EPB41L3: variants seen among roughly 807,000 people sequenced by gnomAD.
The protein encoded by EPB41L3 is band 4.1-like protein 3.
A neutral mutation model predicts 127.1 loss-of-function variants in EPB41L3; 57 were observed. The ratio of observed to expected loss-of-function variants is 0.45; its 90% CI spans 0.36 to 0.56. The LOEUF (loss-of-function observed/expected upper bound fraction) is 0.56. Among genes scored for constraint, EPB41L3 ranks in the 20% least tolerant of loss-of-function variants. The pLI is 0.00. For synonymous variants in EPB41L3, 572 were observed against 549.5 expected (o/e 1.04, Z -0.57); for missense variants, 1,273 against 1,372.2 (o/e 0.93, Z 1.14).
chr18:5,546,702 CT>C (rs1354756066), upstream of EPB41L3, among the ~76,000 whole-genome samples: 1 of 152,090 alleles, frequency 6.6e-6, no homozygotes, highest in African/African-American at 2.4e-5. Flanking sequence ...TTTTTTCCCC[CT>C]AGCACAGACA....
chr18:5,564,140 T>C (rs12955448), intron 3 of EPB41L3, among the ~76,000 whole-genome samples: 60 of 152,286 alleles, frequency 3.9e-4, no homozygotes, highest in South Asian at 1.2e-3. Context: ...GCGATTTCAG[T>C]TGAGTTTTGG....
intron 1 of EPB41L3, among the ~76,000 whole-genome samples, chr18:5,626,338 G>C (rs965016110): frequency 2.6e-5 from 4 of 152,148 alleles, no homozygotes; most frequent in African/African-American, 9.7e-5. Flanking sequence ...CATCTCTTCA[G>C]TGATCTGGTG....
At chr18:5,449,683 T>C (rs1418499549) in intron 3 of EPB41L3, among the ~76,000 whole-genome samples, 2 of 152,170 alleles carry the variant, frequency 1.3e-5, no homozygotes, top group African/African-American at 4.8e-5. Context: ...TGAAAGAACC[T>C]TAAATGCATA....
chr18:5,492,310 A>G (rs1483654461), intron 1 of EPB41L3, among the ~76,000 whole-genome samples: 1 of 121,228 alleles, frequency 8.2e-6, no homozygotes, highest in African/African-American at 4.9e-5. Context: ...ACACAGAGAG[A>G]CTCGGTCTCA....
intron 3 of EPB41L3, among the ~76,000 whole-genome samples, chr18:5,453,527 C>A (rs1398116821): frequency 6.6e-6 from 1 of 152,114 alleles, no homozygotes; most frequent in Non-Finnish European, 1.5e-5. Flanking sequence ...AGGCTCAAAC[C>A]CACTCATGTT....
chr18:5,424,240 A>G, intron 10 of EPB41L3, 22 bp downstream of exon 10: 3 of 1,520,238 alleles, frequency 2.0e-6, no homozygotes, highest in Non-Finnish European at 1.8e-6. Flanking sequence ...CTTAGGGAAA[A>G]AACAAAATAA....
intron 16 of EPB41L3, chr18:5,399,339 A>G (rs1435461757): frequency 5.0e-6 from 2 of 398,990 alleles, no homozygotes; most frequent in African/African-American, 2.1e-5. Context: ...ATCACCATCA[A>G]CTACCTCAGT....
chr18:5,589,551 G>C (rs1468747523), intron 3 of EPB41L3, among the ~76,000 whole-genome samples: 1 of 152,134 alleles, frequency 6.6e-6, no homozygotes, highest in Non-Finnish European at 1.5e-5. Context: ...CTTTATCTCA[G>C]TGTAGTCTTA....
intron 1 of EPB41L3, among the ~76,000 whole-genome samples, chr18:5,627,859 T>C (rs1198342754): frequency 6.6e-6 from 1 of 152,320 alleles, no homozygotes; most frequent in East Asian, 1.9e-4. Context: ...GAGAACGTTT[T>C]CCTAAGGTAC....
In EPB41L3 at chr18:5,568,533, G is replaced by C. The variant is rs546637229; in HGVS notation, c.-306+43807C>G. 2.5e-3 allele frequency among the ~76,000 whole-genome samples: 380 copies of C among 151,844 alleles called. 1 individual carries two copies. The highest frequency in any genetic ancestry group is 8.7e-3 in the African/African-American group (359 of 41,368). On this transcript the variant is annotated intron_variant, in intron 3 of 21. Transcript: ENST00000545076. ...GTGAAATAAGGATCTCCATTTCCCA[G>C]AGGTATAGCCACATTGCTAGGGGCC...
intron 3 of EPB41L3, among the ~76,000 whole-genome samples, chr18:5,448,911 T>C (rs562062262): frequency 6.6e-6 from 1 of 152,322 alleles, no homozygotes; most frequent in South Asian, 2.1e-4. Flanking sequence ...GTCCTAAAAA[T>C]GGCATATCTC....
intron 1 of EPB41L3, among the ~76,000 whole-genome samples, chr18:5,498,453 G>A (rs909111364): frequency 1.3e-5 from 2 of 152,026 alleles, no homozygotes; most frequent in African/African-American, 4.8e-5. Context: ...TATCACCTGG[G>A]TGTGGTCACG....
Position 5,596,011 on chromosome 18 carries a change from T to G in EPB41L3, c.-306+16329A>C, listed in dbSNP as rs574591131. 3.3e-5 allele frequency among the ~76,000 whole-genome samples: 5 copies of G among 152,336 alleles called. No homozygotes were observed. The South Asian group carries it at 1.0e-3, about 32-fold the overall frequency. ...ATCCAAAAAGCAATTTAAAATTCAC[T>G]GCTCTAAATTTATTTGTGTTTAAAC... On this transcript the variant is annotated intron_variant, in intron 3 of 21. Transcript: ENST00000545076.
At chr18:5,499,582 T>C (rs2091533225) in intron 1 of EPB41L3, among the ~76,000 whole-genome samples, 1 of 151,678 alleles carries the variant, frequency 6.6e-6, no homozygotes, top group Non-Finnish European at 1.5e-5. Context: ...GCTAACACAG[T>C]GAAACCGTAT....
At chr18:5,482,074 T>A (rs1397710975) in intron 2 of EPB41L3, among the ~76,000 whole-genome samples, 1 of 152,088 alleles carries the variant, frequency 6.6e-6, no homozygotes, top group Non-Finnish European at 1.5e-5. Flanking sequence ...GAGCTAAGAA[T>A]TCAAAATAAC....
chr18:5,395,581 T>C (rs752463033), intron 20 of EPB41L3, 28 bp downstream of exon 20: 6 of 1,601,216 alleles, frequency 3.7e-6, no homozygotes, highest in Non-Finnish European at 5.1e-6. Flanking sequence ...TCTCAAGGAA[T>C]CCTCTTCTCG....
intron 14 of EPB41L3, 75 bp downstream of exon 14, chr18:5,410,491 G>T: frequency 1.9e-6 from 2 of 1,051,748 alleles, no homozygotes; most frequent in Non-Finnish European, 1.5e-6. Context: ...CATATGTGGA[G>T]TTCTTAAACA....
intron 1 of EPB41L3, among the ~76,000 whole-genome samples, chr18:5,628,288 G>A (rs908205205): frequency 5.9e-5 from 9 of 152,252 alleles, no homozygotes; most frequent in Admixed American, 2.0e-4. Flanking sequence ...ATTTACCATC[G>A]TTTCTACTTT....
intron 16 of EPB41L3, 60 bp downstream of exon 16, chr18:5,406,717 C>G (rs748410322): frequency 1.4e-6 from 2 of 1,476,704 alleles, no homozygotes; most frequent in African/African-American, 2.8e-5. Flanking sequence ...ATTCCACACC[C>G]TGTAGAGAAG....
Sources: gnomAD v4.1 joint callset for allele counts (sites outside exome capture counted in the v4.1 genomes callset) on GRCh38, gnomAD v4.1.1 for gene constraint, MANE v1.5 for transcripts, NCBI Gene and HGNC (gene_info 2026-07-23, HGNC 2026-07-21) for gene names.